UGT1A8: variants seen among roughly 807,000 people sequenced by gnomAD.
UGT1A8 encodes UDP-glucuronosyltransferase 1A8.
A neutral mutation model predicts 45.3 loss-of-function variants in UGT1A8; 39 were observed. The observed-to-expected ratio is 0.86, with a 90% CI of 0.67 to 1.12. The LOEUF is 1.12. Ranked by LOEUF, UGT1A8 falls within the 50% of genes most tolerant of loss-of-function variation. The probability of loss-of-function intolerance (pLI) is 0.00; values close to 1 mark genes in which losing one functional copy is unlikely to be tolerated. For synonymous variants in UGT1A8, 275 were observed against 249.2 expected (o/e 1.10, Z -0.97); for missense variants, 719 against 664.9 (o/e 1.08, Z -0.90).
chr2:233,675,965 A>G (rs941389310), intron 1 of UGT1A8, among the ~76,000 whole-genome samples: 4 of 152,210 alleles, frequency 2.6e-5, no homozygotes, highest in Non-Finnish European at 4.4e-5. Context: ...GGATTGTCTC[A>G]CACAACATCT....
chr2:233,636,726 A>G, intron 1 of UGT1A8: 1 of 1,614,210 alleles, frequency 6.2e-7, no homozygotes, highest in Non-Finnish European at 8.5e-7. Flanking sequence ...AACTGGAAAG[A>G]TCACTGAATT....
At chr2:233,734,256 G>A (rs1200658913) in intron 1 of UGT1A8, among the ~76,000 whole-genome samples, 1 of 151,990 alleles carries the variant, frequency 6.6e-6, no homozygotes, top group Non-Finnish European at 1.5e-5. Flanking sequence ...GTCTTGGGAG[G>A]GTGTATGTGT....
chr2:233,657,158 G>C (rs1434871670), intron 1 of UGT1A8, among the ~76,000 whole-genome samples: 4 of 152,066 alleles, frequency 2.6e-5, no homozygotes, highest in African/African-American at 9.7e-5. Context: ...TGGCCTGCTG[G>C]CCCCCACTAG....
At chr2:233,707,771 T>TA (rs2075986737) in intron 1 of UGT1A8, among the ~76,000 whole-genome samples, 2 of 152,230 alleles carry the variant, frequency 1.3e-5, no homozygotes. Context: ...AGTGGGTTTT[T>TA]AGAGTATATA....
chr2:233,713,753 G>T (rs764408773), intron 1 of UGT1A8: 4 of 1,613,952 alleles, frequency 2.5e-6, no homozygotes, highest in East Asian at 2.2e-5. Flanking sequence ...ATGCATCTGT[G>T]TGGCTGTTCC....
chr2:233,712,902 G>C (rs1351189678), intron 1 of UGT1A8: 2 of 1,609,384 alleles, frequency 1.2e-6, no homozygotes, highest in East Asian at 2.2e-5. Context: ...TTTGCTAGGT[G>C]TCTCAGTGAC....
At chr2:233,625,289 A>G (rs1229448568) in intron 1 of UGT1A8, among the ~76,000 whole-genome samples, 3 of 152,186 alleles carry the variant, frequency 2.0e-5, no homozygotes, top group Non-Finnish European at 2.9e-5. Flanking sequence ...TCAAGAAACA[A>G]TAGATGCTTG....
chr2:233,661,916 G>A (rs2073979209), intron 1 of UGT1A8, among the ~76,000 whole-genome samples: 1 of 151,954 alleles, frequency 6.6e-6, no homozygotes, highest in Non-Finnish European at 1.5e-5. Flanking sequence ...CATGAGAACT[G>A]TGAGATCAGT....
intron 1 of UGT1A8, among the ~76,000 whole-genome samples, chr2:233,704,317 G>A (rs1265287357): frequency 3.5e-5 from 4 of 114,658 alleles, no homozygotes; most frequent in African/African-American, 1.5e-4. Flanking sequence ...ATCCTTTAAT[G>A]TTTTTCTTTC....
At chr2:233,631,798 A>C (rs12469451) in intron 1 of UGT1A8, among the ~76,000 whole-genome samples, 11 of 152,000 alleles carry the variant, frequency 7.2e-5, no homozygotes, top group Admixed American at 6.6e-4. Flanking sequence ...GTTCAGTCTG[A>C]TGATAGTTTC....
In UGT1A8 at chr2:233,769,703, A is replaced by G. The variant is rs1416273085; in HGVS notation, c.1295+1264A>G. 46 of 1,521,058 alleles carry G rather than the reference A, an allele frequency of 3.0e-5. No individual in the cohort carries two copies. Among genetic ancestry groups the G allele is most frequent in the Non-Finnish European group, 3.6e-5 (41 of 1,133,112 alleles). 94.2% of individuals were successfully genotyped at this position (1,521,058 alleles called of 1,614,324 possible). A position where few individuals can be genotyped will look rare whatever the true frequency, so the allele number is the denominator to read the frequency against. ...TGTGGTGGCACTGGATAAAAGATCA[A>G]TGTTGGCTAGGCACCATGGCACACG... On this transcript the variant is annotated intron_variant, in intron 4 of 4. Coordinates refer to ENST00000373450, the MANE Select transcript of UGT1A8 (RefSeq NM_019076.5). The surrounding 1 kb of genome is among the most constrained non-coding windows in gnomAD (Gnocchi z 4.4).
intron 1 of UGT1A8, among the ~76,000 whole-genome samples, chr2:233,709,124 G>A (rs1026369673): frequency 6.6e-6 from 1 of 152,064 alleles, no homozygotes; most frequent in Admixed American, 6.5e-5. Flanking sequence ...TAATCATGGT[G>A]GCCAAGGGGA....
intron 1 of UGT1A8, among the ~76,000 whole-genome samples, chr2:233,638,400 A>C (rs957877363): frequency 2.6e-5 from 4 of 152,108 alleles, no homozygotes; most frequent in African/African-American, 9.7e-5. Context: ...AACTTTTCTT[A>C]TTATTTTGTA....
At chr2:233,734,917 G>A (rs965822132) in intron 1 of UGT1A8, among the ~76,000 whole-genome samples, 3 of 152,162 alleles carry the variant, frequency 2.0e-5, no homozygotes, top group Non-Finnish European at 4.4e-5. Context: ...ATTTGCTAAG[G>A]AGTGCTTTAC....
At chr2:233,713,754 T>C (rs2076343281) in intron 1 of UGT1A8, 1 of 1,613,886 alleles carries the variant, frequency 6.2e-7, no homozygotes, top group African/African-American at 1.3e-5. Context: ...TGCATCTGTG[T>C]GGCTGTTCCG....
chr2:233,695,021 G>T (rs1263498020), intron 1 of UGT1A8, among the ~76,000 whole-genome samples: 2 of 152,084 alleles, frequency 1.3e-5, no homozygotes, highest in South Asian at 2.1e-4. Flanking sequence ...ATTTTGAACT[G>T]CAGTATACAT....
intron 1 of UGT1A8, among the ~76,000 whole-genome samples, chr2:233,659,263 G>T (rs890335912): frequency 2.0e-5 from 3 of 152,038 alleles, no homozygotes; most frequent in African/African-American, 7.2e-5. Context: ...TACCAACCTC[G>T]CAGGTAGTCT....
At chr2:233,753,846 T>C (rs540552189) in intron 1 of UGT1A8, among the ~76,000 whole-genome samples, 6 of 152,330 alleles carry the variant, frequency 3.9e-5, no homozygotes, top group Non-Finnish European at 5.9e-5. Context: ...TAGTATATCA[T>C]TGACCAACCA....
At chr2:233,737,333 A>G (rs1343218207) in intron 1 of UGT1A8, among the ~76,000 whole-genome samples, 1 of 152,246 alleles carries the variant, frequency 6.6e-6, no homozygotes, top group Non-Finnish European at 1.5e-5. Context: ...AGCAGTGAGC[A>G]AGGCTCCGTG....
Sources: gnomAD v4.1 joint callset for allele counts (sites outside exome capture counted in the v4.1 genomes callset) on GRCh38, gnomAD v4.1.1 for gene constraint, Gnocchi (gnomAD v3.1) non-coding constraint, MANE v1.5 for transcripts, NCBI Gene and HGNC (gene_info 2026-07-23, HGNC 2026-07-21) for gene names.